The following PTPN2 variants were observed in gnomAD, a reference collection of about 807,000 sequenced individuals.
PTPN2 encodes tyrosine-protein phosphatase non-receptor type 2.
PTPN2 carries 19 observed loss-of-function variants against 57.3 expected under a neutral mutation model. The ratio of observed to expected loss-of-function variants is 0.33; its 90% CI spans 0.23 to 0.49. The LOEUF (loss-of-function observed/expected upper bound fraction) is 0.49. PTPN2 is among the 20% of genes least tolerant of loss of function. PTPN2 has a pLI of 0.99. For synonymous variants in PTPN2, 153 were observed against 164.9 expected, an observed-to-expected ratio of 0.93 and a Z score of 0.55; for missense variants, 358 against 501.1, an observed-to-expected ratio of 0.71 and a Z score of 2.73.
intron 2 of PTPN2, chr18:12,841,062 A>G (rs1350627149): frequency 2.8e-5 from 34 of 1,221,214 alleles, no homozygotes; most frequent in Non-Finnish European, 3.5e-5. Context: ...AAAAAGGAAA[A>G]AAGAAATTAT....
chr18:12,804,529 G>C (rs1213755906), intron 7 of PTPN2, among the ~76,000 whole-genome samples: 2 of 149,358 alleles, frequency 1.3e-5, no homozygotes, highest in African/African-American at 4.9e-5. Context: ...AAAAAAAAAA[G>C]ACTCAAATCA....
At chr18:12,858,795 C>T (rs1038578919) in intron 2 of PTPN2, among the ~76,000 whole-genome samples, 2 of 152,120 alleles carry the variant, frequency 1.3e-5, no homozygotes, top group Admixed American at 6.5e-5. Flanking sequence ...AACCAAACTA[C>T]ACCAATAACT....
At position 12,825,902 on chromosome 18, in the gene PTPN2, G is replaced by A. The variant is rs750105074; in HGVS notation, c.403C>T (p.Leu135=). Residue 135 remains leucine (L), a synonymous_variant, in exon 5 of 9, where the codon CTG becomes TTG. Coordinates refer to ENST00000309660, the MANE Select transcript of PTPN2 (RefSeq NM_002828.4). The part of the protein sequence containing the change: ...QYWPTDDQEM[L]FKETGFSVKL... ...ACACTGAATCCTGTTTCTTTAAACA[G>A]CATCTCTTGGTCATCTGTTGGCCAG... is the stretch of plus-strand genomic sequence containing the variant. The A allele has an allele frequency of 6.2e-7, 1 of 1,610,862 alleles. No individual in the cohort carries two copies. The highest frequency in any genetic ancestry group is 1.3e-5 in the African/African-American group (1 of 74,848).
intron 8 of PTPN2, among the ~76,000 whole-genome samples, chr18:12,797,008 G>A (rs1598733238): frequency 6.6e-6 from 1 of 151,996 alleles, no homozygotes. Flanking sequence ...ATATATACAG[G>A]TATCCCTGGC....
chr18:12,788,654 T>A (rs931487553), downstream of PTPN2, among the ~76,000 whole-genome samples: 2 of 152,058 alleles, frequency 1.3e-5, no homozygotes, highest in African/African-American at 2.4e-5. Flanking sequence ...TAAACACTTC[T>A]ATCCATCACT....
rs140112209 is a variant in PTPN2, at chr18:12,826,174, G to A, written c.361-230C>T. Among the ~76,000 whole-genome samples, 676 of 152,280 alleles carry A rather than the reference G, an allele frequency of 4.4e-3. 4 individuals carry two copies. Among genetic ancestry groups the A allele is most frequent in the African/African-American group, 0.016 (648 of 41,560 alleles). On this transcript the variant is annotated intron_variant, in intron 4 of 8. Transcript: ENST00000309660. ...TCCCAACAATTTGGGAGGCTGAGGC[G>A]GGAGGATCACCTGAGATCAGGAGTT...
At position 12,861,008 on chromosome 18, in the gene PTPN2, GTTTA is replaced by G. The variant is rs1028158772; in HGVS notation, c.70-1758_70-1755del. ...CATTTTAAAAGTTAGGTGCCATTTT[GTTTA>G]TTTGTTTTTATAGACATAGGGTCTC... On this transcript the variant is annotated intron_variant, in intron 1 of 8. Coordinates refer to ENST00000309660, the MANE Select transcript of PTPN2 (RefSeq NM_002828.4). 3.9e-5 allele frequency among the ~76,000 whole-genome samples: 6 copies of G among 152,116 alleles called. 1 individual carries two copies. Among genetic ancestry groups the G allele is most frequent in the South Asian group, 4.1e-4 (2 of 4,828 alleles).
intron 2 of PTPN2, among the ~76,000 whole-genome samples, chr18:12,852,212 A>ACACACACACACAC (rs1240826264): frequency 1.3e-5 from 2 of 151,854 alleles, no homozygotes; most frequent in Non-Finnish European, 2.9e-5. Flanking sequence ...ACACACACAC[A>ACACACACACACAC]CACACACACA....
intron 1 of PTPN2, among the ~76,000 whole-genome samples, chr18:12,875,759 T>G (rs1420441859): frequency 1.3e-5 from 2 of 152,206 alleles, no homozygotes; most frequent in East Asian, 1.9e-4. Flanking sequence ...ATCTGGACTA[T>G]TTGGAGACCA....
chr18:12,795,495 A>G (rs1043146649), intron 8 of PTPN2, among the ~76,000 whole-genome samples: 9 of 152,118 alleles, frequency 5.9e-5, no homozygotes, highest in African/African-American at 2.2e-4. Flanking sequence ...ATGTTTCACC[A>G]TGTTAGCCAG....
intron 4 of PTPN2, among the ~76,000 whole-genome samples, chr18:12,827,720 TAAAG>T (rs1029994369): frequency 6.7e-6 from 1 of 149,838 alleles, no homozygotes; most frequent in African/African-American, 2.5e-5. Context: ...AAAATAGAAA[TAAAG>T]AGATAAACAG....
At chr18:12,847,218 T>C (rs2043240670) in intron 2 of PTPN2, among the ~76,000 whole-genome samples, 1 of 152,198 alleles carries the variant, frequency 6.6e-6, no homozygotes, top group Admixed American at 6.5e-5. Context: ...AAATATTCTC[T>C]AGAAGATCTG....
At chr18:12,840,905 A>T (rs2043022884) in intron 2 of PTPN2, 1 of 1,541,282 alleles carries the variant, frequency 6.5e-7, no homozygotes, top group African/African-American at 1.4e-5. Context: ...ATCTTCTCTA[A>T]CTAGACGCTC....
At chr18:12,865,068 C>T (rs367775796) in intron 1 of PTPN2, among the ~76,000 whole-genome samples, 2 of 152,134 alleles carry the variant, frequency 1.3e-5, no homozygotes, top group East Asian at 3.9e-4. Flanking sequence ...ACAAGCCTTT[C>T]AAGAGAATCA....
chr18:12,870,297 A>G (rs12958090), intron 1 of PTPN2, among the ~76,000 whole-genome samples: 3,667 of 67,576 alleles, frequency 0.054, 392 homozygotes, highest in East Asian at 0.099. Flanking sequence ...ATACATATAT[A>G]TGTGTATATA....
intron 7 of PTPN2, among the ~76,000 whole-genome samples, chr18:12,803,820 C>T (rs1001245602): frequency 7.9e-5 from 12 of 152,082 alleles, no homozygotes; most frequent in African/African-American, 2.9e-4. Flanking sequence ...GACAGATCAT[C>T]CAGACATAAA....
intron 2 of PTPN2, among the ~76,000 whole-genome samples, chr18:12,853,235 G>T (rs2043456393): frequency 6.6e-6 from 1 of 152,170 alleles, no homozygotes; most frequent in South Asian, 2.1e-4. Context: ...CTGCAGCTTT[G>T]AATTAGTGGT....
intron 8 of PTPN2, among the ~76,000 whole-genome samples, chr18:12,794,708 G>A (rs2041101594): frequency 6.6e-6 from 1 of 152,110 alleles, no homozygotes; most frequent in South Asian, 2.1e-4. Flanking sequence ...TGCAACCTCT[G>A]CCTCCCACGC....
At chr18:12,878,327 G>C (rs57491167) in intron 1 of PTPN2, among the ~76,000 whole-genome samples, 5,281 of 139,626 alleles carry the variant, frequency 0.038, 328 homozygotes, top group African/African-American at 0.13. Context: ...AAAAAGAAAA[G>C]AAAGAAAAAG....
Sources: gnomAD v4.1 joint callset for allele counts (sites outside exome capture counted in the v4.1 genomes callset) on GRCh38, gnomAD v4.1.1 for gene constraint, MANE v1.5 for transcripts, NCBI Gene and HGNC (gene_info 2026-07-23, HGNC 2026-07-21) for gene names.